The following LMAN2 variants were observed in gnomAD, a reference collection of about 807,000 sequenced individuals.
LMAN2 encodes lectin, mannose binding 2, also known as vesicular integral-membrane protein VIP36.
In LMAN2, 22 loss-of-function variants were observed where a neutral mutation model predicts 39.3. The ratio of observed to expected loss-of-function variants is 0.56; its 90% CI spans 0.40 to 0.80. The LOEUF (loss-of-function observed/expected upper bound fraction) is 0.80, where lower values mean the gene tolerates loss of function less well. Ranked by LOEUF, LMAN2 falls within the 30% of genes least tolerant of loss-of-function variation. The probability of loss-of-function intolerance (pLI) is 0.00; values close to 1 mark genes in which losing one functional copy is unlikely to be tolerated. For missense variants in LMAN2, 494 were observed against 505.4 expected, an observed-to-expected ratio of 0.98 and a Z score of 0.22; for synonymous variants, 207 against 207.8, an observed-to-expected ratio of 1.00 and a Z score of 0.03.
rs772233923 is a variant in LMAN2 at position 177,332,287 on chromosome 5, G to C, written c.911-41C>G. ...CGGGGGAGCTGAAACGGCAGCACGG[G>C]CCGGGGATCAGGGGGCTGCAGGAGG... On this transcript the variant is annotated intron_variant, in intron 7 of 7. Coordinates refer to ENST00000303127, the MANE Select transcript of LMAN2 (RefSeq NM_006816.3). The surrounding 1 kb of genome is among the most constrained non-coding windows in gnomAD (Gnocchi z 6.3). 2 of 1,593,482 alleles carry C rather than the reference G, an allele frequency of 1.3e-6. No individual in the cohort carries two copies. Among genetic ancestry groups the C allele is most frequent in the African/African-American group, 2.7e-5 (2 of 74,814 alleles).
intron 2 of LMAN2, among the ~76,000 whole-genome samples, chr5:177,350,436 G>A (rs1761704292): frequency 1.3e-5 from 2 of 151,986 alleles, no homozygotes; most frequent in South Asian, 2.1e-4. Context: ...AGCTGTCATT[G>A]GCCACTGCTC....
intron 2 of LMAN2, among the ~76,000 whole-genome samples, chr5:177,349,282 G>A (rs917319605): frequency 6.6e-6 from 1 of 152,160 alleles, no homozygotes; most frequent in African/African-American, 2.4e-5. Flanking sequence ...GGGAATGTTC[G>A]CCTGAGTGCA....
chr5:177,332,185 G>C lies in LMAN2; in HGVS notation c.972C>G (p.Phe324Leu). The change falls in exon 8 of 8, where the codon TTC becomes TTG. Residue 324 changes from phenylalanine (F) to leucine (L), a missense_variant. Physicochemically the swap from Phe to Leu is conservative, Grantham distance 22. Transcript: ENST00000303127. This position sits in a 1 kb window ranked among gnomAD's most constrained non-coding sequence, Gnocchi z 6.3. ...RSGPLTGWRV[F>L]LLLLCALLGI... ...CCAGGAGAGCGCACAGCAGCAGCAG[G>C]AACACCCGCCACCCCGTCAGGGGCC... 2 of 1,613,488 alleles carry C rather than the reference G, an allele frequency of 1.2e-6. No homozygotes were observed. Among genetic ancestry groups the C allele is most frequent in the Non-Finnish European group, 1.7e-6 (2 of 1,179,920 alleles).
intron 2 of LMAN2, among the ~76,000 whole-genome samples, chr5:177,345,719 G>C (rs1761625666): frequency 6.6e-6 from 1 of 150,708 alleles, no homozygotes; most frequent in Non-Finnish European, 1.5e-5. Flanking sequence ...AGGAAGGCTC[G>C]CAGCAGCCAT....
At chr5:177,334,661 C>G (rs539260695) in intron 6 of LMAN2, 1 of 392,886 alleles carries the variant, frequency 2.5e-6, no homozygotes, top group East Asian at 5.4e-5. Flanking sequence ...ATCCTGGGGT[C>G]TGCCGCCCTC....
At chr5:177,338,100 C>T (rs1761501087) in intron 3 of LMAN2, among the ~76,000 whole-genome samples, 1 of 152,108 alleles carries the variant, frequency 6.6e-6, no homozygotes, top group Non-Finnish European at 1.5e-5. Context: ...GAGGCTCTAC[C>T]CTCTATACTA....
At chr5:177,335,285 G>A (rs1049205314) in intron 6 of LMAN2, among the ~76,000 whole-genome samples, 1 of 152,184 alleles carries the variant, frequency 6.6e-6, no homozygotes, top group East Asian at 1.9e-4. Flanking sequence ...TTCCCATCTG[G>A]GCTCTGCTGC....
At chr5:177,345,339 T>TAAAAAAAAAAAAAAAAAAAAAA (rs10639580) in intron 2 of LMAN2, among the ~76,000 whole-genome samples, 1 of 52,392 alleles carries the variant, frequency 1.9e-5, no homozygotes, top group Non-Finnish European at 3.6e-5. Flanking sequence ...AGACCCTGTC[T>TAAAAAAAAAAAAAAAAAAAAAA]AAAAAAAAAA....
chr5:177,351,601 C>A lies in LMAN2; in HGVS notation c.47G>T (p.Cys16Phe), dbSNP rs143985896. Residue 16 changes from cysteine (C) to phenylalanine (F), a missense_variant, in exon 1 of 8, where the codon TGC becomes TTC. Transcript: ENST00000303127. ...WIWRWGWGRR[C>F]LGRPGLLGPG... Reference sequence around the variant, plus strand: ...GCCGAGAAGCCCAGGCCTTCCCAGGCACCGCCGGCCCCAGCCCCAACGCCA... The same window carrying A: ...GCCGAGAAGCCCAGGCCTTCCCAGGAACCGCCGGCCCCAGCCCCAACGCCA... 3.7e-5 allele frequency: 59 copies of A among 1,610,018 alleles called. No individual in the cohort carries two copies. The highest frequency in any genetic ancestry group is 3.5e-4 in the Middle Eastern group (2 of 5,674).
Position 177,337,258 on chromosome 5 carries a change from G to A in LMAN2, c.676-8C>T. 6.2e-7 allele frequency: 1 copy of A among 1,613,608 alleles called. No individual in the cohort carries two copies. The highest frequency in any genetic ancestry group is 1.1e-5 in the South Asian group (1 of 91,068). On this transcript the variant is annotated splice_polypyrimidine_tract_variant and splice_region_variant and intron_variant, in intron 5 of 7. Transcript: ENST00000303127. The surrounding 1 kb of genome is among the most constrained non-coding windows in gnomAD (Gnocchi z 8.2). ...CTCCAGGTCGGTCATCACCTGCAGGGCCCAGCACGCTAAGCACCTCGCAGG... is the reference window on the plus strand; with the variant it reads ...CTCCAGGTCGGTCATCACCTGCAGGACCCAGCACGCTAAGCACCTCGCAGG...
intron 2 of LMAN2, among the ~76,000 whole-genome samples, chr5:177,339,739 AT>A (rs563228350): frequency 1.6e-3 from 241 of 152,350 alleles, no homozygotes; most frequent in African/African-American, 5.6e-3. Flanking sequence ...ATGAACCAGT[AT>A]TAATGATGGG....
At chr5:177,334,640 T>A in intron 6 of LMAN2, 1 of 457,424 alleles carries the variant, frequency 2.2e-6, no homozygotes, top group South Asian at 2.4e-5. Context: ...AGCAGAATCA[T>A]CTGGGTCTAA....
intron 2 of LMAN2, among the ~76,000 whole-genome samples, chr5:177,350,848 A>G (rs978011598): frequency 3.9e-5 from 6 of 152,210 alleles, no homozygotes; most frequent in African/African-American, 1.4e-4. Context: ...ACAGCCTGAC[A>G]GTTCCACTAC....
intron 2 of LMAN2, 135 bp from the exon 3 acceptor site, chr5:177,338,740 GC>G: frequency 2.8e-6 from 2 of 714,836 alleles, no homozygotes; most frequent in Non-Finnish European, 4.9e-6. Context: ...TTGGCACAGG[GC>G]CACAAGTGCC....
At chr5:177,338,230 A>G (rs1761502833) in intron 3 of LMAN2, among the ~76,000 whole-genome samples, 1 of 152,216 alleles carries the variant, frequency 6.6e-6, no homozygotes, top group Non-Finnish European at 1.5e-5. Flanking sequence ...ACTGTTTAAA[A>G]TGGTAAAACC....
At chr5:177,345,463 T>C (rs769221493) in intron 2 of LMAN2, among the ~76,000 whole-genome samples, 49 of 151,980 alleles carry the variant, frequency 3.2e-4, no homozygotes, top group Middle Eastern at 3.4e-3. Flanking sequence ...TTTTATGTTA[T>C]ATGCATTTAC....
chr5:177,348,559 G>A (rs952541277), intron 2 of LMAN2, among the ~76,000 whole-genome samples: 7 of 151,946 alleles, frequency 4.6e-5, no homozygotes, highest in South Asian at 4.1e-4. Flanking sequence ...ATGGCAGTGC[G>A]CGCCTGTAAT....
intron 2 of LMAN2, among the ~76,000 whole-genome samples, chr5:177,343,430 C>T (rs1322423919): frequency 6.6e-6 from 1 of 150,738 alleles, no homozygotes. Flanking sequence ...TGGGTATATA[C>T]CCAAAAGAAC....
At position 177,351,212 on chromosome 5, in the gene LMAN2, A is replaced by T. The variant is rs1761717718; in HGVS notation, c.276T>A (p.Pro92=). The part of the protein sequence containing the change: ...MLTSQYVRLT[P]DERSKEGSIW... Reference sequence around the variant, plus strand: ...TAGAGCCCTCTTTGCTGCGCTCGTCAGGGGTCAGACGTACGTACTGGCTCG... The same window carrying T: ...TAGAGCCCTCTTTGCTGCGCTCGTCTGGGGTCAGACGTACGTACTGGCTCG... Residue 92 remains proline (P), a synonymous_variant, in exon 2 of 8, where the codon CCT becomes CCA. Coordinates refer to ENST00000303127, the MANE Select transcript of LMAN2 (RefSeq NM_006816.3). 6.2e-7 allele frequency: 1 copy of T among 1,614,190 alleles called. No homozygotes were observed.
Sources: allele counts gnomAD v4.1 joint callset (sites outside exome capture counted in the v4.1 genomes callset), GRCh38; gene constraint gnomAD v4.1.1; non-coding constraint Gnocchi (gnomAD v3.1); transcripts MANE v1.5; gene names NCBI Gene and HGNC (gene_info 2026-07-23, HGNC 2026-07-21).